Variants in ASTN2 observed in about 807,000 individuals in gnomAD.
ASTN2 encodes the protein astrotactin 2.
Under a neutral mutation model 139.8 loss-of-function variants are expected in ASTN2, and 54 were observed. The ratio of observed to expected loss-of-function variants is 0.39; its 90% CI spans 0.31 to 0.48. The LOEUF (loss-of-function observed/expected upper bound fraction) is 0.48, where lower values mean the gene tolerates loss of function less well. Among genes scored for constraint, ASTN2 ranks in the 20% least tolerant of loss-of-function variants. The probability of loss-of-function intolerance (pLI) is 0.95; values close to 1 mark genes in which losing one functional copy is unlikely to be tolerated. For missense variants in ASTN2, 1,565 were observed against 1,725.1 expected (o/e 0.91, Z 1.64); for synonymous variants, 756 against 719.5 (o/e 1.05, Z -0.81).
intron 10 of ASTN2, among the ~76,000 whole-genome samples, chr9:116,897,606 C>T (rs575201761): frequency 6.6e-5 from 10 of 152,216 alleles, no homozygotes; most frequent in African/African-American, 2.2e-4. Flanking sequence ...TAGGACATCG[C>T]TGAATAAAAC....
At chr9:117,189,552 A>G (rs1244714224) in intron 3 of ASTN2, among the ~76,000 whole-genome samples, 1 of 152,176 alleles carries the variant, frequency 6.6e-6, no homozygotes, top group African/African-American at 2.4e-5. Flanking sequence ...CATGTCAATA[A>G]TAGCTTCCAT....
chr9:117,345,482 C>T (rs1389786513), intron 1 of ASTN2, among the ~76,000 whole-genome samples: 2 of 152,130 alleles, frequency 1.3e-5, no homozygotes, highest in Non-Finnish European at 2.9e-5. Context: ...CGTAATCCTG[C>T]AATGATAGAT....
chr9:117,221,954 C>T lies in ASTN2; in HGVS notation c.631-7212G>A, dbSNP rs61368528. 4.9e-3 allele frequency among the ~76,000 whole-genome samples: 751 copies of T among 152,254 alleles called. 4 individuals carry two copies. The highest frequency in any genetic ancestry group is 0.017 in the African/African-American group (705 of 41,564). On this transcript the variant is annotated intron_variant, in intron 2 of 22. Coordinates refer to ENST00000313400, the MANE Select transcript of ASTN2 (RefSeq NM_001365068.1). ...TGGAGACAGAATATGCAGCCGACTC[C>T]CTCCAAAGCTGCTAAGGAAACGTGA...
chr9:116,679,414 T>A (rs1337807215), intron 16 of ASTN2, among the ~76,000 whole-genome samples: 5 of 152,162 alleles, frequency 3.3e-5, no homozygotes, highest in African/African-American at 1.2e-4. Flanking sequence ...CTTTGGAACA[T>A]TTGTGTAAAT....
chr9:116,609,734 ATAAT>A (rs1855433105), intron 19 of ASTN2, among the ~76,000 whole-genome samples: 1 of 152,038 alleles, frequency 6.6e-6, no homozygotes, highest in Non-Finnish European at 1.5e-5. Flanking sequence ...TACCGAAAAA[ATAAT>A]TAAGAAAAAA....
At chr9:116,743,756 C>G (rs996298514) in intron 13 of ASTN2, among the ~76,000 whole-genome samples, 11 of 152,128 alleles carry the variant, frequency 7.2e-5, no homozygotes. Flanking sequence ...GCCCACTTCG[C>G]CCTCCCAAAG....
Position 116,693,962 on chromosome 9 carries a change from T to C in ASTN2, c.2806+31809A>G, listed in dbSNP as rs117120242. ...TTCACAAAGCAGTGTTTTCAAGTCA[T>C]GGAAGTGGGAAAAGTGGTTCTGGCT... On this transcript the variant is annotated intron_variant, in intron 16 of 22. Transcript: ENST00000313400. 2.8e-3 allele frequency among the ~76,000 whole-genome samples: 431 copies of C among 152,246 alleles called. 1 individual carries two copies. The highest frequency in any genetic ancestry group is 6.8e-3 in the Middle Eastern group (2 of 294).
chr9:116,925,156 G>T (rs1004850753), intron 10 of ASTN2, among the ~76,000 whole-genome samples: 2 of 152,074 alleles, frequency 1.3e-5, no homozygotes, highest in African/African-American at 4.8e-5. Flanking sequence ...CTGTCTTACA[G>T]TTAACAAAAT....
intron 10 of ASTN2, among the ~76,000 whole-genome samples, chr9:116,918,626 C>G (rs373047012): frequency 6.6e-6 from 1 of 152,212 alleles, no homozygotes; most frequent in East Asian, 1.9e-4. Flanking sequence ...TTTTCTCTCT[C>G]TGTGTTTCCC....
At chr9:117,123,339 A>T (rs1264658485) in intron 4 of ASTN2, among the ~76,000 whole-genome samples, 2 of 152,108 alleles carry the variant, frequency 1.3e-5, no homozygotes, top group East Asian at 3.9e-4. Flanking sequence ...TATGTGTCAC[A>T]GTTAAGAGAC....
At chr9:116,545,781 G>A (rs1461450645) in intron 19 of ASTN2, 2 of 152,184 alleles carry the variant, frequency 1.3e-5, no homozygotes, top group African/African-American at 4.8e-5. Context: ...GGGCATTGAG[G>A]ATGAAGAGAT....
At position 116,699,427 on chromosome 9, in the gene ASTN2, G is replaced by A. The variant is rs1221648426; in HGVS notation, c.2806+26344C>T. The A allele has an allele frequency of 1.2e-6, 2 of 1,614,166 alleles. No homozygotes were observed. The highest frequency in any genetic ancestry group is 2.7e-5 in the African/African-American group (2 of 75,052). On this transcript the variant is annotated intron_variant, in intron 16 of 22. Coordinates refer to ENST00000313400, the MANE Select transcript of ASTN2 (RefSeq NM_001365068.1). The surrounding 1 kb of genome is among the most constrained non-coding windows in gnomAD (Gnocchi z 4.2). ...TCTGTAGGCCCTGATGGGCAGCTGG[G>A]TCGCCAGATTAGCCACTTCTTCTCG...
intron 13 of ASTN2, among the ~76,000 whole-genome samples, chr9:116,803,615 C>T (rs1364188754): frequency 6.7e-6 from 1 of 148,854 alleles, no homozygotes; most frequent in Non-Finnish European, 1.5e-5. Context: ...AGCTCCGCCT[C>T]CTGGGTTCAT....
At chr9:117,200,990 C>T (rs1184485459) in intron 3 of ASTN2, among the ~76,000 whole-genome samples, 2 of 123,262 alleles carry the variant, frequency 1.6e-5, no homozygotes, top group Non-Finnish European at 3.4e-5. Context: ...ACCATCTGGT[C>T]CTGGGCTTTT....
At chr9:116,566,879 A>T (rs62576086) in intron 19 of ASTN2, among the ~76,000 whole-genome samples, 24,145 of 152,132 alleles carry the variant, frequency 0.16, 2,089 homozygotes, top group African/African-American at 0.21. Context: ...TCTCCTTCAC[A>T]CAGGGTCAGA....
intron 5 of ASTN2, among the ~76,000 whole-genome samples, chr9:117,075,281 C>T (rs1023290355): frequency 2.0e-5 from 3 of 152,180 alleles, no homozygotes; most frequent in African/African-American, 7.2e-5. Flanking sequence ...CCTCCCCTAG[C>T]CCCAGGGAGT....
chr9:116,832,026 A>G (rs1488571379), intron 11 of ASTN2, among the ~76,000 whole-genome samples: 2 of 152,160 alleles, frequency 1.3e-5, no homozygotes, highest in African/African-American at 2.4e-5. Context: ...ATTACTTTTT[A>G]GGGATTGCAA....
chr9:116,542,372 G>C (rs1319194358), intron 19 of ASTN2, among the ~76,000 whole-genome samples: 2 of 152,026 alleles, frequency 1.3e-5, no homozygotes, highest in African/African-American at 4.8e-5. Context: ...ATTTACAAGG[G>C]TGCCTAATAA....
chr9:116,450,500 C>T (rs988300951), intron 20 of ASTN2, among the ~76,000 whole-genome samples: 1 of 152,154 alleles, frequency 6.6e-6, no homozygotes, highest in Non-Finnish European at 1.5e-5. Context: ...CTCCATAGCC[C>T]GTTGAAGACC....
Sources: gnomAD v4.1 joint callset for allele counts (sites outside exome capture counted in the v4.1 genomes callset) on GRCh38, gnomAD v4.1.1 for gene constraint, Gnocchi (gnomAD v3.1) non-coding constraint, MANE v1.5 for transcripts, NCBI Gene and HGNC (gene_info 2026-07-23, HGNC 2026-07-21) for gene names.